The following CDK6 variants were observed in gnomAD, a reference collection of about 807,000 sequenced individuals.
CDK6 encodes the protein cyclin dependent kinase 6, also known as cyclin-dependent kinase 6.
CDK6 carries 6 observed loss-of-function variants against 37.1 expected under a neutral mutation model. That is an observed-to-expected ratio of 0.16 (90% CI 0.09 to 0.32). The LOEUF is 0.32. Among genes scored for constraint, CDK6 ranks in the 10% least tolerant of loss-of-function variants. The pLI is 1.00. For missense variants in CDK6, 224 were observed against 418.9 expected, an observed-to-expected ratio of 0.53 and a Z score of 4.06; for synonymous variants, 160 against 161.3, an observed-to-expected ratio of 0.99 and a Z score of 0.06.
chr7:92,825,562 T>A (rs895164126), intron 2 of CDK6, among the ~76,000 whole-genome samples: 1 of 152,118 alleles, frequency 6.6e-6, no homozygotes, highest in African/African-American at 2.4e-5. Context: ...TACCAGTTTG[T>A]CAAGATGGAA....
At chr7:92,656,904 G>A (rs1278962235) in intron 5 of CDK6, among the ~76,000 whole-genome samples, 1 of 152,048 alleles carries the variant, frequency 6.6e-6, no homozygotes, top group Non-Finnish European at 1.5e-5. Context: ...AAGACCCGGG[G>A]ACACAGAATG....
intron 5 of CDK6, among the ~76,000 whole-genome samples, chr7:92,636,020 A>AT (rs1796161863): frequency 1.3e-5 from 2 of 152,186 alleles, no homozygotes; most frequent in African/African-American, 2.4e-5. Context: ...TCCGTAGCAC[A>AT]TTTAAAAAAA....
intron 2 of CDK6, among the ~76,000 whole-genome samples, chr7:92,818,585 A>C (rs1045497446): frequency 1.3e-5 from 2 of 152,034 alleles, no homozygotes; most frequent in Non-Finnish European, 2.9e-5. Flanking sequence ...TCAAAGAAAA[A>C]AAAAGATGAA....
intron 4 of CDK6, among the ~76,000 whole-genome samples, chr7:92,672,156 T>TATATATATACAC (rs1797087502): frequency 9.5e-6 from 1 of 105,712 alleles, no homozygotes; most frequent in African/African-American, 4.0e-5. Context: ...TATATATATA[T>TATATATATACAC]ATATACACAT....
chr7:92,739,360 CCTG>C (rs1798865267), intron 3 of CDK6, among the ~76,000 whole-genome samples: 1 of 152,326 alleles, frequency 6.6e-6, no homozygotes. Context: ...ACACATGCTT[CCTG>C]CTATGTTTTT....
chr7:92,722,546 G>A (rs1167552245), intron 4 of CDK6, among the ~76,000 whole-genome samples: 2 of 152,168 alleles, frequency 1.3e-5, no homozygotes, highest in African/African-American at 4.8e-5. Context: ...GATATGTGCT[G>A]CCAATAAATC....
intron 4 of CDK6, among the ~76,000 whole-genome samples, chr7:92,690,722 T>C (rs1007725140): frequency 5.9e-5 from 9 of 152,114 alleles, no homozygotes; most frequent in African/African-American, 2.2e-4. Context: ...GCACAAATAA[T>C]CTAAAATAAA....
At chr7:92,772,596 C>T (rs899174111) in intron 3 of CDK6, among the ~76,000 whole-genome samples, 1 of 152,110 alleles carries the variant, frequency 6.6e-6, no homozygotes, top group Non-Finnish European at 1.5e-5. Context: ...AACAATCACC[C>T]CCTTCTAGCA....
chr7:92,642,691 G>C (rs1276194652), intron 5 of CDK6, among the ~76,000 whole-genome samples: 1 of 151,982 alleles, frequency 6.6e-6, no homozygotes, highest in African/African-American at 2.4e-5. Flanking sequence ...TGCTATGTGG[G>C]GGATATATAT....
intron 4 of CDK6, among the ~76,000 whole-genome samples, chr7:92,679,526 T>C (rs974320637): frequency 6.6e-6 from 1 of 152,206 alleles, no homozygotes; most frequent in Non-Finnish European, 1.5e-5. Context: ...AATATAATCT[T>C]TGAAATACTT....
chr7:92,815,875 G>T (rs1216324004), intron 2 of CDK6, among the ~76,000 whole-genome samples: 6 of 152,142 alleles, frequency 3.9e-5, no homozygotes, highest in Non-Finnish European at 8.8e-5. Flanking sequence ...TAAGATGAAT[G>T]ATTCCAGAGC....
intron 5 of CDK6, among the ~76,000 whole-genome samples, chr7:92,633,581 T>G (rs1022024621): frequency 6.6e-6 from 1 of 151,712 alleles, no homozygotes; most frequent in African/African-American, 2.4e-5. Context: ...GTTCTTACCA[T>G]GTGGATGTGC....
chr7:92,751,116 G>C (rs1177564600), intron 3 of CDK6, among the ~76,000 whole-genome samples: 2 of 152,092 alleles, frequency 1.3e-5, no homozygotes, highest in Admixed American at 1.3e-4. Flanking sequence ...AGTGCTTTCT[G>C]AATTGCCAAG....
rs1409945629 is a variant in CDK6 at position 92,618,103 on chromosome 7, T to A, written c.803A>T (p.Asp268Val). 1.2e-6 allele frequency: 2 copies of A among 1,614,044 alleles called. No homozygotes were observed. The highest frequency in any genetic ancestry group is 1.7e-5 in the Admixed American group (1 of 59,984). The part of the protein sequence containing the change: ...SAQPIEKFVT[D>V]IDELGKDLLL... ...TAGGTCTTTGCCTAGTTCATCGATA[T>A]CTGTTACAAACTTCTCAATTGGTTG... The change falls in exon 7 of 8, where the codon GAT becomes GTT. Residue 268 changes from aspartate (D) to valine (V), a missense_variant. Physicochemically the swap from Asp to Val is radical, Grantham distance 152. Around this residue, in one of 5 missense-constraint regions of CDK6, gnomAD observed 90 missense variants for 136.2 expected, o/e 0.66. Transcript: ENST00000424848.
At chr7:92,733,106 A>G (rs1798691385) in intron 3 of CDK6, among the ~76,000 whole-genome samples, 1 of 152,202 alleles carries the variant, frequency 6.6e-6, no homozygotes, top group Non-Finnish European at 1.5e-5. Flanking sequence ...TGTTATGAAC[A>G]TTATCTTTCA....
intron 3 of CDK6, among the ~76,000 whole-genome samples, chr7:92,766,205 A>C (rs949693937): frequency 2.0e-5 from 3 of 152,198 alleles, no homozygotes; most frequent in African/African-American, 7.2e-5. Flanking sequence ...AGGATGGTCC[A>C]TAAAGGGGCA....
chr7:92,670,832 T>G (rs1414422592), intron 5 of CDK6, among the ~76,000 whole-genome samples: 1 of 152,238 alleles, frequency 6.6e-6, no homozygotes, highest in East Asian at 1.9e-4. Context: ...AATCATTAGA[T>G]TTCTACCCCT....
chr7:92,646,005 T>C (rs945514639), intron 5 of CDK6, among the ~76,000 whole-genome samples: 1 of 152,236 alleles, frequency 6.6e-6, no homozygotes, highest in Non-Finnish European at 1.5e-5. Context: ...TCCCAACTTA[T>C]ACCTTCCAGT....
intron 3 of CDK6, among the ~76,000 whole-genome samples, chr7:92,763,634 A>G (rs772647500): frequency 6.6e-6 from 1 of 152,214 alleles, no homozygotes; most frequent in Non-Finnish European, 1.5e-5. Flanking sequence ...AATTTCCTAC[A>G]TATCAATGAC....
Sources: allele counts gnomAD v4.1 joint callset (sites outside exome capture counted in the v4.1 genomes callset), GRCh38; gene constraint gnomAD v4.1.1; regional missense constraint gnomAD v4.1.1; transcripts MANE v1.5; gene names NCBI Gene and HGNC (gene_info 2026-07-23, HGNC 2026-07-21).